Variants in CABIN1 observed in about 807,000 individuals in gnomAD.
The protein encoded by CABIN1 is calcineurin-binding protein cabin-1.
In CABIN1, 133 loss-of-function variants were observed where a neutral mutation model predicts 227.7. The ratio of observed to expected loss-of-function variants is 0.58; its 90% CI spans 0.51 to 0.67. The LOEUF (loss-of-function observed/expected upper bound fraction) is 0.67. Among genes scored for constraint, CABIN1 ranks in the 30% least tolerant of loss-of-function variants. The pLI, the probability that CABIN1 is intolerant of heterozygous loss-of-function variation, is 0.00. For synonymous variants in CABIN1, 1,086 were observed against 1,155.1 expected (o/e 0.94, Z 1.21); for missense variants, 2,408 against 2,852.5 (o/e 0.84, Z 3.55).
In CABIN1 at chr22:24,067,007, G is replaced by A. The variant is rs762993907; in HGVS notation, c.2058G>A (p.Ser686=). Reference sequence around the variant, plus strand: ...TTCAGATTGATAAGAACCTGAAGTCGCTGGAGCGGTGCCAGTCCCTGGAGG... The same window carrying A: ...TTCAGATTGATAAGAACCTGAAGTCACTGGAGCGGTGCCAGTCCCTGGAGG... ...SLEEIDKNLK[S]LERCQSLEEI... The change falls in exon 16 of 37, where the codon TCG becomes TCA. Residue 686 remains serine, a synonymous_variant. Coordinates refer to ENST00000263119, the MANE Select transcript of CABIN1 (RefSeq NM_012295.4). 12 of 1,614,090 alleles carry A rather than the reference G, an allele frequency of 7.4e-6. No homozygotes were observed. The highest frequency in any genetic ancestry group is 4.0e-5 in the African/African-American group (3 of 74,928).
At chr22:24,105,467 T>C (rs1350971010) in intron 26 of CABIN1, among the ~76,000 whole-genome samples, 1 of 152,176 alleles carries the variant, frequency 6.6e-6, no homozygotes, top group Non-Finnish European at 1.5e-5. Flanking sequence ...AAGAACATTC[T>C]GAAAAAAAGA....
chr22:24,166,557 G>A, intron 31 of CABIN1, 82 bp from the exon 32 acceptor site: 2 of 1,561,968 alleles, frequency 1.3e-6, no homozygotes, highest in Non-Finnish European at 1.8e-6. Context: ...AGAGGCCCAG[G>A]TTGGGCTCAC....
chr22:24,075,349 C>A (rs2040366561), intron 18 of CABIN1, among the ~76,000 whole-genome samples: 1 of 152,098 alleles, frequency 6.6e-6, no homozygotes, highest in African/African-American at 2.4e-5. Flanking sequence ...TACTAAGGGA[C>A]CTTTATAAAC....
rs767907743 is a variant in CABIN1 at position 24,036,077 on chromosome 22, C to T, written c.4-12C>T. The T allele has an allele frequency of 2.5e-6, 4 of 1,600,406 alleles. No individual in the cohort carries two copies. Among genetic ancestry groups the T allele is most frequent in the African/African-American group, 1.3e-5 (1 of 74,574 alleles). On this transcript the variant is annotated splice_polypyrimidine_tract_variant and intron_variant, in intron 2 of 36. Coordinates refer to ENST00000263119, the MANE Select transcript of CABIN1 (RefSeq NM_012295.4). ...AAGCAACTTGTCTCTTCCACCAAAC[C>T]CCTGTTTCTAGATTCGAATTGCAGC...
At chr22:24,028,301 G>A (rs2036244765) in intron 1 of CABIN1, among the ~76,000 whole-genome samples, 1 of 152,140 alleles carries the variant, frequency 6.6e-6, no homozygotes, top group African/African-American at 2.4e-5. Context: ...GCTCAATAAA[G>A]TAAAGCACAG....
chr22:24,128,936 G>A (rs1006235848), intron 28 of CABIN1, among the ~76,000 whole-genome samples: 4 of 152,218 alleles, frequency 2.6e-5, no homozygotes, highest in East Asian at 1.9e-4. Flanking sequence ...TTGTGGATTC[G>A]TGAGGCAGGA....
At position 24,062,005 on chromosome 22, in the gene CABIN1, C is replaced by T; in HGVS notation, c.1676C>T (p.Thr559Ile). The T allele has an allele frequency of 3.1e-6, 5 of 1,613,878 alleles. No homozygotes were observed. The highest frequency in any genetic ancestry group is 4.2e-6 in the Non-Finnish European group (5 of 1,179,896). Residue 559 changes from threonine (T) to isoleucine (I), a missense_variant, in exon 13 of 37, where the codon ACC becomes ATC. Transcript: ENST00000263119. ...CTCCAGCTGGACCAGTGGCTGCTGA[C>T]CAAAGGCAGAAGCTCTGCAGGTAGG... ...MELQLDQWLL[T>I]KGRSSAVSPR...
chr22:24,148,482 C>T (rs994398957), intron 29 of CABIN1, among the ~76,000 whole-genome samples: 5 of 152,184 alleles, frequency 3.3e-5, no homozygotes, highest in African/African-American at 1.2e-4. Context: ...TTGTAGACAG[C>T]AGGAGGGGCT....
chr22:24,171,882 T>C lies in CABIN1; in HGVS notation c.5927T>C (p.Ile1976Thr), dbSNP rs777483737. The C allele has an allele frequency of 6.8e-6, 11 of 1,613,988 alleles. No individual in the cohort carries two copies. The highest frequency in any genetic ancestry group is 8.5e-6 in the Non-Finnish European group (10 of 1,180,040). The change falls in exon 34 of 37, where the codon ATT (isoleucine) becomes ACT (threonine). Residue 1976 changes from isoleucine to threonine, a missense_variant. Physicochemically the swap from Ile to Thr is moderately conservative, Grantham distance 89 (BLOSUM62 -1). Transcript: ENST00000263119. The part of the protein sequence containing the change: ...PRPALAAATT[I>T]ITCPPSASAS... ...CCTGCACTAGCTGCCGCCACAACTA[T>C]TATCACCTGCCCTCCGTCAGCATCA...
At position 24,036,146 on chromosome 22, in the gene CABIN1, TTTAAAA is replaced by T. The variant is rs770496828; in HGVS notation, c.62_67del (p.Phe21_Ser23delinsCys). On this transcript the variant is annotated inframe_deletion, in exon 3 of 37. Transcript: ENST00000263119. ...CATTGAGGATGATCATGAAGGAAGC[TTTAAAA>T]GTCACAAAACCCAGACAAAGGAGGC... The T allele has an allele frequency of 3.7e-6, 6 of 1,613,638 alleles. No homozygotes were observed. Among genetic ancestry groups the T allele is most frequent in the Non-Finnish European group, 5.1e-6 (6 of 1,179,708 alleles).
At chr22:24,158,392 C>T (rs1378192957) in intron 29 of CABIN1, among the ~76,000 whole-genome samples, 2 of 152,216 alleles carry the variant, frequency 1.3e-5, no homozygotes, top group Admixed American at 1.3e-4. Context: ...TTCAGCCCAG[C>T]ATTCTTCATC....
intron 1 of CABIN1, among the ~76,000 whole-genome samples, chr22:24,027,064 A>T (rs1451808603): frequency 6.6e-6 from 1 of 152,152 alleles, no homozygotes; most frequent in Non-Finnish European, 1.5e-5. Flanking sequence ...TTATTTCACC[A>T]CTGTTTTCTT....
chr22:24,045,370 C>T (rs1368700012), intron 6 of CABIN1, among the ~76,000 whole-genome samples: 2 of 152,014 alleles, frequency 1.3e-5, no homozygotes, highest in Non-Finnish European at 2.9e-5. Context: ...TCCCAACACT[C>T]TAGGAGGCTG....
Position 24,167,059 on chromosome 22 carries a change from C to A in CABIN1, c.5428C>A (p.Pro1810Thr). 6.5e-7 allele frequency: 1 copy of A among 1,545,586 alleles called. No individual in the cohort carries two copies. Among genetic ancestry groups the A allele is most frequent in the Non-Finnish European group, 8.7e-7 (1 of 1,145,338 alleles). Reference sequence around the variant, plus strand: ...GCTGAGCATCAGTGCCCGGCAGCAGCCCACCCCGCTCACCCCAGCCCAGCC... The same window carrying A: ...GCTGAGCATCAGTGCCCGGCAGCAGACCACCCCGCTCACCCCAGCCCAGCC... ...EELSISARQQ[P>T]TPLTPAQPAP... Residue 1810 changes from proline to threonine, a missense_variant, in exon 32 of 37, where the codon CCC becomes ACC. This residue lies in a region of CABIN1 where 714 missense variants were observed against 773.8 expected (regional missense o/e 0.92). Transcript: ENST00000263119.
intron 25 of CABIN1, among the ~76,000 whole-genome samples, chr22:24,097,128 C>T (rs1006683279): frequency 2.0e-5 from 3 of 152,210 alleles, no homozygotes; most frequent in African/African-American, 7.2e-5. Context: ...TTTTTAGTCA[C>T]AAAGGGCCCC....
intron 31 of CABIN1, 46 bp from the exon 32 acceptor site, chr22:24,166,593 G>T (rs2046459566): frequency 6.2e-7 from 1 of 1,611,326 alleles, no homozygotes. Context: ...ACTCATTGCA[G>T]TGGAGACACC....
chr22:24,121,909 T>C (rs1465995844), intron 28 of CABIN1, among the ~76,000 whole-genome samples: 1 of 152,254 alleles, frequency 6.6e-6, no homozygotes, highest in Non-Finnish European at 1.5e-5. Context: ...TTCCTCATCC[T>C]GTTACAGGGT....
intron 28 of CABIN1, among the ~76,000 whole-genome samples, chr22:24,122,268 C>T (rs554740879): frequency 6.6e-6 from 1 of 152,306 alleles, no homozygotes; most frequent in Non-Finnish European, 1.5e-5. Flanking sequence ...AAAACTAGCT[C>T]TCTTGGGTCT....
At chr22:24,063,289 G>A (rs891742075) in intron 14 of CABIN1, 143 bp downstream of exon 14, 7 of 818,880 alleles carry the variant, frequency 8.5e-6, no homozygotes, top group East Asian at 2.6e-5. Flanking sequence ...GCACCTGCCC[G>A]GGCACTGGGC....
Sources: gnomAD v4.1 joint callset for allele counts (sites outside exome capture counted in the v4.1 genomes callset) on GRCh38, gnomAD v4.1.1 for gene constraint, gnomAD v4.1.1 regional missense constraint, MANE v1.5 for transcripts, NCBI Gene and HGNC (gene_info 2026-07-23, HGNC 2026-07-21) for gene names.